Variants in ENTREP2 observed in about 807,000 individuals in gnomAD.
ENTREP2 encodes the protein endosomal transmembrane epsin interactor 2, also known as protein ENTREP2.
the ENTREP2 span, among the ~76,000 whole-genome samples, chr15:29,196,184 G>A: frequency 5.9e-5 from 9 of 152,124 alleles, no homozygotes; most frequent in East Asian, 1.9e-4. Context: ...ATTTGCATCC[G>A]AATTTGCAGA....
At chr15:29,596,435 C>G in the ENTREP2 span, among the ~76,000 whole-genome samples, 1 of 152,042 alleles carries the variant, frequency 6.6e-6, no homozygotes, top group Non-Finnish European at 1.5e-5. Flanking sequence ...TATACGTGTA[C>G]GGTGGTTTCA....
chr15:29,206,210 A>G, the ENTREP2 span, among the ~76,000 whole-genome samples: 2 of 152,232 alleles, frequency 1.3e-5, no homozygotes, highest in South Asian at 4.1e-4. Context: ...CCTGGTTCAC[A>G]GATGGATCAC....
At chr15:29,336,829 C>T in the ENTREP2 span, among the ~76,000 whole-genome samples, 1 of 152,144 alleles carries the variant, frequency 6.6e-6, no homozygotes, top group African/African-American at 2.4e-5. Flanking sequence ...TACCAGATGC[C>T]AGCACCCATG....
chr15:29,589,914 G>A, the ENTREP2 span, among the ~76,000 whole-genome samples: 2 of 152,272 alleles, frequency 1.3e-5, no homozygotes, highest in South Asian at 2.1e-4. Flanking sequence ...GAGGTGATGC[G>A]TGAAAAAGCA....
the ENTREP2 span, among the ~76,000 whole-genome samples, chr15:29,589,664 G>A: frequency 2.0e-5 from 3 of 152,148 alleles, no homozygotes; most frequent in Non-Finnish European, 2.9e-5. Context: ...TGCCTGCCCC[G>A]CTGCGGATTT....
At chr15:29,158,998 T>C in the ENTREP2 span, among the ~76,000 whole-genome samples, 2 of 152,298 alleles carry the variant, frequency 1.3e-5, no homozygotes, top group East Asian at 1.9e-4. Context: ...TACATACATA[T>C]AGCCTACACG....
At chr15:29,191,694 G>C in the ENTREP2 span, among the ~76,000 whole-genome samples, 1 of 152,166 alleles carries the variant, frequency 6.6e-6, no homozygotes, top group South Asian at 2.1e-4. Flanking sequence ...CAAGGCAGCA[G>C]GATCACTTGA....
the ENTREP2 span, among the ~76,000 whole-genome samples, chr15:29,548,163 C>A: frequency 6.6e-6 from 1 of 152,030 alleles, no homozygotes; most frequent in Non-Finnish European, 1.5e-5. Context: ...TGTACACTTA[C>A]AATGGATAAG....
the ENTREP2 span, among the ~76,000 whole-genome samples, chr15:29,339,195 C>T: frequency 1.3e-5 from 2 of 152,262 alleles, no homozygotes; most frequent in African/African-American, 2.4e-5. Flanking sequence ...TGCCCAGCGG[C>T]CCACCCCTCC....
the ENTREP2 span, among the ~76,000 whole-genome samples, chr15:29,231,991 G>A: frequency 6.6e-6 from 1 of 150,868 alleles, no homozygotes; most frequent in Non-Finnish European, 1.5e-5. Flanking sequence ...CCAGGTTCAA[G>A]CGATTCTCCC....
chr15:29,639,956 A>G, the ENTREP2 span, among the ~76,000 whole-genome samples: 10 of 151,870 alleles, frequency 6.6e-5, no homozygotes, highest in South Asian at 2.1e-3. Context: ...TTTAGTAGAG[A>G]TGGGGTTTCA....
the ENTREP2 span, among the ~76,000 whole-genome samples, chr15:29,661,865 C>T: frequency 5.9e-5 from 9 of 152,166 alleles, no homozygotes; most frequent in Admixed American, 2.0e-4. Context: ...ACCTTTAAAA[C>T]ACCCATGTTT....
the ENTREP2 span, among the ~76,000 whole-genome samples, chr15:29,172,918 G>A: frequency 6.6e-6 from 1 of 152,092 alleles, no homozygotes. Flanking sequence ...GTCGGCTCCT[G>A]TCCCTCCCAG....
the ENTREP2 span, among the ~76,000 whole-genome samples, chr15:29,617,465 C>G: frequency 6.6e-6 from 1 of 152,200 alleles, no homozygotes; most frequent in African/African-American, 2.4e-5. Flanking sequence ...CACCCTCACA[C>G]ACACCCAGAA....
chr15:29,580,522 C>T, the ENTREP2 span, among the ~76,000 whole-genome samples: 353 of 152,226 alleles, frequency 2.3e-3, 4 homozygotes, highest in African/African-American at 7.8e-3. Flanking sequence ...TGGCCTATAG[C>T]GGCAGAACAG....
the ENTREP2 span, among the ~76,000 whole-genome samples, chr15:29,529,271 G>C: frequency 6.6e-6 from 1 of 151,644 alleles, no homozygotes; most frequent in African/African-American, 2.4e-5. Flanking sequence ...GGAGGGGTGT[G>C]TGGTAGCTAA....
At chr15:29,564,069 G>A in the ENTREP2 span, among the ~76,000 whole-genome samples, 1 of 152,058 alleles carries the variant, frequency 6.6e-6, no homozygotes, top group Non-Finnish European at 1.5e-5. Context: ...TAAATGAGGT[G>A]GATTTTCCTG....
At chr15:29,158,924 A>C in the ENTREP2 span, among the ~76,000 whole-genome samples, 1 of 152,214 alleles carries the variant, frequency 6.6e-6, no homozygotes, top group Admixed American at 6.5e-5. Flanking sequence ...AAATCTCTCC[A>C]GTCTACGTAA....
At chr15:29,156,191 T>G in the ENTREP2 span, among the ~76,000 whole-genome samples, 5 of 151,980 alleles carry the variant, frequency 3.3e-5, no homozygotes, top group Non-Finnish European at 7.4e-5. Flanking sequence ...TTTGTTTTGT[T>G]TTGTTTTGTT....
Sources: allele counts gnomAD v4.1 joint callset (sites outside exome capture counted in the v4.1 genomes callset), GRCh38; gene constraint gnomAD v4.1.1; transcripts MANE v1.5; gene names NCBI Gene and HGNC (gene_info 2026-07-23, HGNC 2026-07-21).